ZBTB14: variants seen among roughly 807,000 people sequenced by gnomAD.
ZBTB14 encodes the protein zinc finger and BTB domain containing 14, also known as zinc finger and BTB domain-containing protein 14.
ZBTB14 carries 8 observed loss-of-function variants against 29.5 expected under a neutral mutation model. That is an observed-to-expected ratio of 0.27 (90% CI 0.16 to 0.49). ZBTB14 has a LOEUF of 0.49. Ranked by LOEUF, ZBTB14 falls within the 20% of genes least tolerant of loss-of-function variation. ZBTB14 has a pLI of 0.99. For synonymous variants in ZBTB14, 226 were observed against 207.2 expected (o/e 1.09, Z -0.78); for missense variants, 333 against 563.8 (o/e 0.59, Z 4.15).
intron 3 of ZBTB14, among the ~76,000 whole-genome samples, chr18:5,292,762 GAAC>G (rs1333688973): frequency 7.9e-5 from 12 of 152,286 alleles, no homozygotes; most frequent in Admixed American, 6.5e-4. Context: ...TTGACAGAAG[GAAC>G]AAATTACTAT....
intron 2 of ZBTB14, chr18:5,293,683 C>T (rs2071871204): frequency 6.3e-6 from 1 of 157,536 alleles, no homozygotes; most frequent in African/African-American, 2.4e-5. Context: ...GCCCCCTACA[C>T]CTATCCCATT....
chr18:5,295,611 C>T (rs918036995), intron 1 of ZBTB14, 41 bp downstream of exon 1: 1 of 145,568 alleles, frequency 6.9e-6, no homozygotes, highest in Non-Finnish European at 1.5e-5. Flanking sequence ...GGCGCCCCGG[C>T]CCCACGCCCA....
At chr18:5,295,488 G>C (rs1193181574) in intron 1 of ZBTB14, among the ~76,000 whole-genome samples, 164 bp downstream of exon 1, 1 of 144,964 alleles carries the variant, frequency 6.9e-6, no homozygotes, top group African/African-American at 2.5e-5. Context: ...CACTGCGGCG[G>C]TGCGAGCGGG....
At chr18:5,292,572 C>A (rs2071841196) in intron 3 of ZBTB14, among the ~76,000 whole-genome samples, 1 of 152,164 alleles carries the variant, frequency 6.6e-6, no homozygotes, top group Non-Finnish European at 1.5e-5. Flanking sequence ...AGAGCTGGGA[C>A]TTAAATGCAG....
Position 5,290,791 on chromosome 18 carries a change from T to C in ZBTB14, c.*67A>G. On this transcript the variant is annotated 3_prime_UTR_variant, in exon 4 of 4. Transcript: ENST00000651870. ...TCCACAAAAATATTGTAACTGGCAT[T>C]CACTCATTATGATCCACGTCATCTC... is the stretch of plus-strand genomic sequence containing the variant. The C allele has an allele frequency of 1.3e-6, 2 of 1,550,954 alleles. No homozygotes were observed. The highest frequency in any genetic ancestry group is 1.7e-4 in the Middle Eastern group (1 of 5,718).
At chr18:5,295,997 C>T (rs1247713413), upstream of ZBTB14, 1 of 151,674 alleles carries the variant, frequency 6.6e-6, no homozygotes, top group African/African-American at 2.4e-5. Context: ...TGGTAGCAGC[C>T]CTCCTCCTGC....
chr18:5,289,956 G>A lies in ZBTB14; in HGVS notation c.*902C>T, dbSNP rs1567904154. ...GTATCTGAAGAAGTTATCTGTTCTT[G>A]TCCTAATTTTGATTCTAAATAAAAA... On this transcript the variant is annotated 3_prime_UTR_variant, in exon 4 of 4. Transcript: ENST00000651870. 6.6e-6 allele frequency: 1 copy of A among 152,168 alleles called. No homozygotes were observed. The highest frequency in any genetic ancestry group is 1.9e-4 in the East Asian group (1 of 5,196). 9.4% of individuals were successfully genotyped at this position (152,168 alleles called of 1,614,324 possible).
In ZBTB14 at chr18:5,293,295, A is replaced by T. The variant is rs1301530001; in HGVS notation, c.-49T>A. On this transcript the variant is annotated 5_prime_UTR_variant, in exon 3 of 4. Transcript: ENST00000651870. ...ATGCCTTGAACGCCAAAATCTTCAG[A>T]TCAGAGTAACTCTGATCAGGAGCAC... 3 of 1,611,128 alleles carry T rather than the reference A, an allele frequency of 1.9e-6. No homozygotes were observed. The highest frequency in any genetic ancestry group is 2.5e-6 in the Non-Finnish European group (3 of 1,178,144).
intron 1 of ZBTB14, among the ~76,000 whole-genome samples, chr18:5,295,119 GACTGCGGCCC>G (rs2071918566): frequency 6.7e-6 from 1 of 149,422 alleles, no homozygotes; most frequent in Non-Finnish European, 1.5e-5. Context: ...CGCAGGGAGG[GACTGCGGCCC>G]GCGGCGGCCC....
At chr18:5,296,748 G>A (rs1225728067), upstream of ZBTB14, among the ~76,000 whole-genome samples, 5 of 151,854 alleles carry the variant, frequency 3.3e-5, no homozygotes, top group Admixed American at 6.6e-5. Context: ...TCACCCATAG[G>A]GCTTCGGAGC....
chr18:5,292,505 T>C (rs1185265237), intron 3 of ZBTB14, among the ~76,000 whole-genome samples: 1 of 152,218 alleles, frequency 6.6e-6, no homozygotes, highest in African/African-American at 2.4e-5. Context: ...CGTATCACTA[T>C]CCTTATTTTA....
At chr18:5,293,855 AT>A (rs1361956240) in intron 2 of ZBTB14, 116 bp downstream of exon 2, 2 of 152,360 alleles carry the variant, frequency 1.3e-5, no homozygotes, top group African/African-American at 4.8e-5. Flanking sequence ...TGTGTGATGT[AT>A]TAATAGCATA....
At position 5,289,196 on chromosome 18, in the gene ZBTB14, T is replaced by C. The variant is rs1843547592; in HGVS notation, c.*1662A>G. ...TAAAAACACAGTGACAGGACTACTT[T>C]TAGAACAGAATAAACAACTTTCAAG... On this transcript the variant is annotated 3_prime_UTR_variant, in exon 4 of 4. Coordinates refer to ENST00000651870, the MANE Select transcript of ZBTB14 (RefSeq NM_001243702.2). 1 of 152,210 alleles carries C rather than the reference T, an allele frequency of 6.6e-6. No homozygotes were observed. The highest frequency in any genetic ancestry group is 1.5e-5 in the Non-Finnish European group (1 of 68,022). The allele number at this position is 152,210 out of a possible 1,614,324, so 9.4% of individuals were successfully genotyped here.
At position 5,289,392 on chromosome 18, in the gene ZBTB14, CTTTAA is replaced by C. The variant is rs1288907639; in HGVS notation, c.*1461_*1465del. 2.0e-5 allele frequency: 3 copies of C among 152,154 alleles called. No individual in the cohort carries two copies. Among genetic ancestry groups the C allele is most frequent in the East Asian group, 1.9e-4 (1 of 5,180 alleles). 9.4% of individuals were successfully genotyped at this position (152,154 alleles called of 1,614,324 possible). A position where few individuals can be genotyped will look rare whatever the true frequency, so the allele number is the denominator to read the frequency against. On this transcript the variant is annotated 3_prime_UTR_variant, in exon 4 of 4. Coordinates refer to ENST00000651870, the MANE Select transcript of ZBTB14 (RefSeq NM_001243702.2). ...TGCAACAAGCTATGAAGTGAAATTA[CTTTAA>C]TTTTTTTAAAAGAAATCCTAGCAAT...
rs2071768021 is a variant in ZBTB14, at chr18:5,289,651, A to C, written c.*1207T>G. The C allele has an allele frequency of 6.6e-6, 1 of 152,334 alleles. No individual in the cohort carries two copies. Among genetic ancestry groups the C allele is most frequent in the African/African-American group, 2.4e-5 (1 of 41,462 alleles). 9.4% of individuals were successfully genotyped at this position (152,334 alleles called of 1,614,324 possible). A position where few individuals can be genotyped will look rare whatever the true frequency, so the allele number is the denominator to read the frequency against. ...TATTTAAAACTGTAACCAGTGATGA[A>C]ATATATTTCGAAAACATAAACATTT... On this transcript the variant is annotated 3_prime_UTR_variant, in exon 4 of 4. Coordinates refer to ENST00000651870, the MANE Select transcript of ZBTB14 (RefSeq NM_001243702.2).
intron 2 of ZBTB14, chr18:5,293,610 T>G (rs1177269920): frequency 4.8e-6 from 1 of 209,658 alleles, no homozygotes; most frequent in Non-Finnish European, 9.6e-6. Flanking sequence ...CACACTAAGC[T>G]CATGTCCATA....
At position 5,291,059 on chromosome 18, in the gene ZBTB14, G is replaced by C; in HGVS notation, c.1149C>G (p.His383Gln). The C allele has an allele frequency of 6.2e-7, 1 of 1,614,264 alleles. No individual in the cohort carries two copies. The highest frequency in any genetic ancestry group is 8.5e-7 in the Non-Finnish European group (1 of 1,180,052). ...CACACACAAAAGGCTTTTCCCCTCT[G>C]TGTCTTCTTTCATGATCCTTGAGGT... ...KSHLKDHERR[H>Q]RGEKPFVCGS... The change falls in exon 4 of 4, where the codon CAC becomes CAG. Residue 383 changes from histidine to glutamine, a missense_variant. By Grantham distance (24) the His-to-Gln change is conservative. Around this residue, in one of 3 missense-constraint regions of ZBTB14, gnomAD observed 140 missense variants for 274.6 expected, o/e 0.51. Transcript: ENST00000651870. The surrounding 1 kb of genome is among the most constrained non-coding windows in gnomAD (Gnocchi z 5.8).
upstream of ZBTB14, among the ~76,000 whole-genome samples, chr18:5,296,525 C>G (rs1229927412): frequency 6.6e-6 from 1 of 151,718 alleles, no homozygotes; most frequent in East Asian, 2.0e-4. Flanking sequence ...TGCCGCGTCT[C>G]GGAGCGGGCG....
At position 5,289,107 on chromosome 18, in the gene ZBTB14, T is replaced by G. The variant is rs2071757482; in HGVS notation, c.*1751A>C. The G allele has an allele frequency of 1.3e-5, 2 of 152,212 alleles. No homozygotes were observed. The highest frequency in any genetic ancestry group is 4.8e-5 in the African/African-American group (2 of 41,450). 9.4% of individuals were successfully genotyped at this position (152,212 alleles called of 1,614,324 possible). On this transcript the variant is annotated 3_prime_UTR_variant, in exon 4 of 4. Coordinates refer to ENST00000651870, the MANE Select transcript of ZBTB14 (RefSeq NM_001243702.2). ...AGCTATTGACAAGATGTTAAAATTA[T>G]TTTTCCTTTGCTTTGGTTAAAACAG...
Sources: gnomAD v4.1 joint callset for allele counts (sites outside exome capture counted in the v4.1 genomes callset) on GRCh38, gnomAD v4.1.1 for gene constraint, gnomAD v4.1.1 regional missense constraint, Gnocchi (gnomAD v3.1) non-coding constraint, MANE v1.5 for transcripts, NCBI Gene and HGNC (gene_info 2026-07-23, HGNC 2026-07-21) for gene names.